Variants in DDX46 observed in about 807,000 individuals in gnomAD.
DDX46 encodes the protein DEAD-box helicase 46, also known as probable ATP-dependent RNA helicase DDX46.
DDX46 carries 30 observed loss-of-function variants against 134.9 expected under a neutral mutation model. The observed-to-expected ratio is 0.22, with a 90% CI of 0.17 to 0.30. The LOEUF (loss-of-function observed/expected upper bound fraction) is 0.30, where lower values mean the gene tolerates loss of function less well. DDX46 is among the 10% of genes least tolerant of loss of function. The pLI, the probability that DDX46 is intolerant of heterozygous loss-of-function variation, is 1.00. For missense variants in DDX46, 622 were observed against 1,248.7 expected, an observed-to-expected ratio of 0.50 and a Z score of 7.56; for synonymous variants, 415 against 404.1, an observed-to-expected ratio of 1.03 and a Z score of -0.32.
intron 3 of DDX46, among the ~76,000 whole-genome samples, chr5:134,770,629 T>C (rs1753732774): frequency 6.6e-6 from 1 of 152,082 alleles, no homozygotes; most frequent in Non-Finnish European, 1.5e-5. Context: ...CTGGCCAACA[T>C]GGTGAAAACC....
At chr5:134,777,018 C>G (rs558577680) in intron 5 of DDX46, among the ~76,000 whole-genome samples, 1 of 152,112 alleles carries the variant, frequency 6.6e-6, no homozygotes, top group South Asian at 2.1e-4. Flanking sequence ...AGAGACCATC[C>G]TGGCTCACAT....
chr5:134,763,594 A>G (rs1353452182), intron 1 of DDX46, among the ~76,000 whole-genome samples: 1 of 152,204 alleles, frequency 6.6e-6, no homozygotes, highest in Non-Finnish European at 1.5e-5. Context: ...TACTATATAC[A>G]GTGTTTGTTT....
At chr5:134,773,930 G>A (rs1027297447) in intron 5 of DDX46, 69 bp downstream of exon 5, 14 of 1,385,116 alleles carry the variant, frequency 1.0e-5, no homozygotes, top group African/African-American at 1.5e-5. Context: ...TATTTCATAA[G>A]GGGTTTTTAA....
At position 134,766,775 on chromosome 5, in the gene DDX46, T is replaced by C. The variant is rs139600725; in HGVS notation, c.207-142T>C. 1,071 of 991,992 alleles carry C rather than the reference T, an allele frequency of 1.1e-3. 11 individuals carry two copies. The African/African-American group carries it at 0.016, about 15-fold the overall frequency. The allele number at this position is 991,992 out of a possible 1,614,324, so 61.4% of individuals were successfully genotyped here. On this transcript the variant is annotated intron_variant, in intron 2 of 22. Coordinates refer to ENST00000452510, the MANE Select transcript of DDX46 (RefSeq NM_001300860.2). ...TCTCATTTTTTTCGTTGAGCACTTA[T>C]AAGACTTGGCTTTACTTCATTGAGA...
Position 134,788,498 on chromosome 5 carries a change from C to T in DDX46, c.1465-15C>T. 6.2e-7 allele frequency: 1 copy of T among 1,609,558 alleles called. No homozygotes were observed. Among genetic ancestry groups the T allele is most frequent in the Non-Finnish European group, 8.5e-7 (1 of 1,176,664 alleles). On this transcript the variant is annotated splice_polypyrimidine_tract_variant and intron_variant, in intron 11 of 22. Coordinates refer to ENST00000452510, the MANE Select transcript of DDX46 (RefSeq NM_001300860.2). Reference sequence around the variant, plus strand: ...GCATTAGTAATAGACTATAAAGTTTCATCTTTTTTATTAGATTGCTGAGCT... The same window carrying T: ...GCATTAGTAATAGACTATAAAGTTTTATCTTTTTTATTAGATTGCTGAGCT...
intron 3 of DDX46, among the ~76,000 whole-genome samples, chr5:134,770,112 G>A (rs1753713906): frequency 6.6e-6 from 1 of 151,210 alleles, no homozygotes; most frequent in African/African-American, 2.4e-5. Flanking sequence ...ATCCTGGCTG[G>A]TCTCGAACTC....
At chr5:134,814,690 C>T (rs1213887522) in intron 18 of DDX46, among the ~76,000 whole-genome samples, 1 of 152,176 alleles carries the variant, frequency 6.6e-6, no homozygotes, top group Admixed American at 6.5e-5. Flanking sequence ...GATCTTGGCT[C>T]ACTGTAGCCT....
At chr5:134,810,839 C>G (rs1214767225) in intron 16 of DDX46, among the ~76,000 whole-genome samples, 1 of 151,560 alleles carries the variant, frequency 6.6e-6, no homozygotes, top group African/African-American at 2.4e-5. Flanking sequence ...AACCATGTCT[C>G]TAGTGAAAAT....
chr5:134,764,219 C>T (rs1230303250), intron 2 of DDX46, 127 bp downstream of exon 2: 2 of 855,322 alleles, frequency 2.3e-6, no homozygotes, highest in East Asian at 2.7e-5. Context: ...TTCTTTATCC[C>T]CTACTTGTTT....
chr5:134,803,054 G>A (rs904992719), intron 15 of DDX46, among the ~76,000 whole-genome samples: 22 of 152,052 alleles, frequency 1.4e-4, no homozygotes, highest in African/African-American at 4.6e-4. Flanking sequence ...GTGTGCAGTG[G>A]CGTGATCTCA....
intron 1 of DDX46, among the ~76,000 whole-genome samples, chr5:134,763,657 CA>C (rs1460567847): frequency 6.6e-6 from 1 of 152,198 alleles, no homozygotes; most frequent in East Asian, 1.9e-4. Context: ...GCCTGGAGCT[CA>C]AAGGCAGGAG....
At chr5:134,790,599 G>A in intron 13 of DDX46, 47 bp downstream of exon 13, 1 of 1,493,772 alleles carries the variant, frequency 6.7e-7, no homozygotes. Flanking sequence ...ATATAACTTT[G>A]TAGTTGCCAT....
chr5:134,811,972 G>T (rs2150156754), intron 18 of DDX46, 127 bp downstream of exon 18: 2 of 1,121,342 alleles, frequency 1.8e-6, no homozygotes, highest in Non-Finnish European at 2.4e-6. Context: ...TTCCAGAACA[G>T]TTTTGGAAAA....
chr5:134,785,350 A>G (rs773774834), intron 10 of DDX46, 115 bp from the exon 11 acceptor site: 3 of 1,333,868 alleles, frequency 2.2e-6, no homozygotes, highest in Non-Finnish European at 2.9e-6. Flanking sequence ...GATGCATAAC[A>G]AAACAAAAAT....
Position 134,795,968 on chromosome 5 carries a change from A to G in DDX46, c.1792-20A>G. On this transcript the variant is annotated intron_variant, in intron 14 of 22. Transcript: ENST00000452510. ...TTTGCATTTTCACTTCATTAACTTG[A>G]TACAATATGGTGTTTTCAGATTGTG... 6.2e-7 allele frequency: 1 copy of G among 1,606,248 alleles called. No homozygotes were observed. The highest frequency in any genetic ancestry group is 1.3e-5 in the African/African-American group (1 of 74,606).
chr5:134,827,952 A>G (rs1755634778), intron 22 of DDX46, among the ~76,000 whole-genome samples: 1 of 152,210 alleles, frequency 6.6e-6, no homozygotes, highest in Non-Finnish European at 1.5e-5. Context: ...AAGAGGTTAC[A>G]TCAATTCACA....
At chr5:134,808,927 A>G (rs1469143608) in intron 16 of DDX46, among the ~76,000 whole-genome samples, 2 of 152,104 alleles carry the variant, frequency 1.3e-5, no homozygotes, top group Non-Finnish European at 2.9e-5. Context: ...ACTGTTTTAC[A>G]TATATAATGT....
chr5:134,826,703 C>G lies in DDX46; in HGVS notation c.2978-244C>G, dbSNP rs185047154. The G allele has an allele frequency of 7.8e-5, 29 of 371,830 alleles. No homozygotes were observed. In the East Asian group the frequency reaches 1.2e-3, roughly 16 times the overall value. The allele number at this position is 371,830 out of a possible 1,614,324, so 23.0% of individuals were successfully genotyped here. A position where few individuals can be genotyped will look rare whatever the true frequency, so the allele number is the denominator to read the frequency against. ...TATTCCACTCTTTTTAATCACCATA[C>G]TAGGAACTCTTAACACATAATATGA... On this transcript the variant is annotated intron_variant, in intron 21 of 22. Coordinates refer to ENST00000452510, the MANE Select transcript of DDX46 (RefSeq NM_001300860.2).
intron 3 of DDX46, among the ~76,000 whole-genome samples, chr5:134,769,866 T>C (rs1190595407): frequency 1.3e-5 from 2 of 152,110 alleles, no homozygotes; most frequent in African/African-American, 4.8e-5. Context: ...TTTCACCATA[T>C]TGGCCAGGAT....
Sources: allele counts gnomAD v4.1 joint callset (sites outside exome capture counted in the v4.1 genomes callset), GRCh38; gene constraint gnomAD v4.1.1; transcripts MANE v1.5; gene names NCBI Gene and HGNC (gene_info 2026-07-23, HGNC 2026-07-21).